TTBK1: variants seen among roughly 807,000 people sequenced by gnomAD.
TTBK1 encodes tau-tubulin kinase 1.
In TTBK1, 34 loss-of-function variants were observed where a neutral mutation model predicts 108.5. The observed-to-expected ratio is 0.31, with a 90% confidence interval of 0.24 to 0.42. TTBK1 has a LOEUF of 0.42. Among genes scored for constraint, TTBK1 ranks in the 10% least tolerant of loss-of-function variants. The pLI, the probability that TTBK1 is intolerant of heterozygous loss-of-function variation, is 1.00. For missense variants in TTBK1, 1,539 were observed against 1,826.0 expected, an observed-to-expected ratio of 0.84 and a Z score of 2.86; for synonymous variants, 809 against 795.1, an observed-to-expected ratio of 1.02 and a Z score of -0.29.
chr6:43,256,099 C>A (rs1012162468), intron 9 of TTBK1, among the ~76,000 whole-genome samples: 2 of 151,822 alleles, frequency 1.3e-5, no homozygotes, highest in Non-Finnish European at 1.5e-5. Flanking sequence ...TCCAAGCAAG[C>A]CTTTGATGAT....
chr6:43,259,859 G>C lies in TTBK1; in HGVS notation c.1424+153G>C, dbSNP rs756377862. 6.6e-6 allele frequency among the ~76,000 whole-genome samples: 1 copy of C among 152,236 alleles called. No individual in the cohort carries two copies. The highest frequency in any genetic ancestry group is 1.5e-5 in the Non-Finnish European group (1 of 68,044). The stretch of plus-strand genomic sequence containing the variant: ...TTGGGCCTGGGGTCAGACTCAGTTG[G>C]GGCCAGAGACAGGGCCTGGGAGAAC... On this transcript the variant is annotated intron_variant, in intron 12 of 14. Transcript: ENST00000259750. The surrounding 1 kb of genome is among the most constrained non-coding windows in gnomAD (Gnocchi z 6.7).
At chr6:43,267,385 G>A (rs1021258152) in intron 13 of TTBK1, among the ~76,000 whole-genome samples, 2 of 152,144 alleles carry the variant, frequency 1.3e-5, no homozygotes, top group Admixed American at 1.3e-4. Context: ...AGATTATGCG[G>A]CTCAGGGCAG....
Position 43,255,731 on chromosome 6 carries a change from G to T in TTBK1, c.736G>T (p.Glu246Ter). Residue 246 changes from glutamate (E) to a stop codon, truncating the protein, a stop_gained and splice_region_variant, in exon 9 of 15, where the codon GAA becomes TAA. Coordinates refer to ENST00000259750, the MANE Select transcript of TTBK1 (RefSeq NM_032538.3). LOFTEE classifies it high-confidence loss of function. ...QLPWRKIKDK[E>*]QVGMIKEKYE... ...TCTCCCTGTGGCCTCTTGCCTCCAG[G>T]AACAGGTAGGGATGATCAAGGAGAA... The T allele has an allele frequency of 6.2e-7, 1 of 1,614,144 alleles. No homozygotes were observed. Among genetic ancestry groups the T allele is most frequent in the Non-Finnish European group, 8.5e-7 (1 of 1,180,020 alleles).
At chr6:43,266,337 G>A (rs1279814733) in intron 13 of TTBK1, among the ~76,000 whole-genome samples, 1 of 152,230 alleles carries the variant, frequency 6.6e-6, no homozygotes, top group African/African-American at 2.4e-5. Context: ...GAATGTCAAA[G>A]CATTTCTATT....
chr6:43,257,730 C>T lies in TTBK1; in HGVS notation c.862-82C>T. The T allele has an allele frequency of 6.8e-7, 1 of 1,477,002 alleles. No individual in the cohort carries two copies. The highest frequency in any genetic ancestry group is 9.3e-7 in the Non-Finnish European group (1 of 1,078,008). 91.5% of individuals were successfully genotyped at this position (1,477,002 alleles called of 1,614,324 possible). ...GTCCTGGAAAGTCCCTGTCTTCCTC[C>T]TATGATCCCAGCAACTGCCCCTTCC... is the stretch of plus-strand genomic sequence containing the variant. On this transcript the variant is annotated intron_variant, in intron 9 of 14. Transcript: ENST00000259750. The surrounding 1 kb of genome is among the most constrained non-coding windows in gnomAD (Gnocchi z 4.5).
chr6:43,253,476 C>T lies in TTBK1; in HGVS notation c.331-92C>T. Reference sequence around the variant, plus strand: ...CCTGGGAAAGGGCAGTGGGCACAACCCTTTGGGGTGAGGCTGGGAAGAGTA... The same window carrying T: ...CCTGGGAAAGGGCAGTGGGCACAACTCTTTGGGGTGAGGCTGGGAAGAGTA... On this transcript the variant is annotated intron_variant, in intron 4 of 14. Transcript: ENST00000259750. The surrounding 1 kb of genome is among the most constrained non-coding windows in gnomAD (Gnocchi z 5.8). The T allele has an allele frequency of 6.3e-7, 1 of 1,593,934 alleles. No homozygotes were observed. The highest frequency in any genetic ancestry group is 8.6e-7 in the Non-Finnish European group (1 of 1,168,580).
At chr6:43,251,489 A>C (rs1323043678) in intron 2 of TTBK1, among the ~76,000 whole-genome samples, 2 of 152,078 alleles carry the variant, frequency 1.3e-5, no homozygotes, top group African/African-American at 2.4e-5. Flanking sequence ...TTCTAAAACC[A>C]AACCAGTCTC....
chr6:43,258,475 A>G (rs1777435708), intron 10 of TTBK1, among the ~76,000 whole-genome samples: 1 of 152,138 alleles, frequency 6.6e-6, no homozygotes, highest in Non-Finnish European at 1.5e-5. Context: ...AGAGGTGGGC[A>G]GGGGCTTCAG....
At chr6:43,246,805 C>A (rs1221575432) in intron 2 of TTBK1, 37 bp downstream of exon 2, 24 of 1,553,196 alleles carry the variant, frequency 1.5e-5, no homozygotes, top group Non-Finnish European at 2.0e-5. Flanking sequence ...GGGAGGGTAG[C>A]GGGGAGGGAG....
intron 13 of TTBK1, chr6:43,272,486 A>C: frequency 1.0e-6 from 1 of 985,440 alleles, no homozygotes; most frequent in Non-Finnish European, 1.2e-6. Context: ...CCACCTCAGA[A>C]CTGACACCTG....
rs550841649 is a variant in TTBK1 at position 43,263,373 on chromosome 6, C to T, written c.1986+23C>T. 1 of 1,447,642 alleles carries T rather than the reference C, an allele frequency of 6.9e-7. No individual in the cohort carries two copies. The highest frequency in any genetic ancestry group is 9.1e-7 in the Non-Finnish European group (1 of 1,096,332). 89.7% of individuals were successfully genotyped at this position (1,447,642 alleles called of 1,614,324 possible). A position where few individuals can be genotyped will look rare whatever the true frequency, so the allele number is the denominator to read the frequency against. On this transcript the variant is annotated intron_variant, in intron 13 of 14. Coordinates refer to ENST00000259750, the MANE Select transcript of TTBK1 (RefSeq NM_032538.3). The surrounding 1 kb of genome is among the most constrained non-coding windows in gnomAD (Gnocchi z 4.7). ...CAGGTAAGGTTGGGCTTGCACCCCA[C>T]TCCCCATCTCCAGATGCCCAGAGTC...
rs764215922 is a variant in TTBK1 at position 43,283,028 on chromosome 6, AGG to A, written c.2289_2290del (p.Glu764GlyfsTer22). 6.3e-7 allele frequency: 1 copy of A among 1,584,914 alleles called. No homozygotes were observed. The highest frequency in any genetic ancestry group is 1.1e-5 in the South Asian group (1 of 88,280). ...GAAGAGGAAGAGGAGGAGGAAGAAG[AGG>A]AGGAGGAGGAAGAGGAGGAGGAGGC... On this transcript the variant is annotated frameshift_variant, in exon 14 of 15. Coordinates refer to ENST00000259750, the MANE Select transcript of TTBK1 (RefSeq NM_032538.3). LOFTEE classifies it high-confidence loss of function. This position sits in a 1 kb window ranked among gnomAD's most constrained non-coding sequence, Gnocchi z 8.1.
At chr6:43,255,003 G>T in intron 6 of TTBK1, 46 bp from the exon 7 acceptor site, 1 of 1,588,912 alleles carries the variant, frequency 6.3e-7, no homozygotes, top group Non-Finnish European at 8.6e-7. Flanking sequence ...AGGTGGCTGA[G>T]GTGAGGGCAT....
chr6:43,251,789 A>G (rs1313323260), intron 2 of TTBK1, among the ~76,000 whole-genome samples: 1 of 152,192 alleles, frequency 6.6e-6, no homozygotes, highest in Non-Finnish European at 1.5e-5. Context: ...CCTGGAGAGG[A>G]GGCTCATCCT....
chr6:43,255,965 G>T, intron 9 of TTBK1, 109 bp downstream of exon 9: 4 of 1,407,056 alleles, frequency 2.8e-6, no homozygotes, highest in Non-Finnish European at 3.9e-6. Context: ...TTGTCCCCAA[G>T]CCTCTCCCCT....
rs1778013186 is a variant in TTBK1, at chr6:43,276,838, G to C, written c.1987-5889G>C. On this transcript the variant is annotated intron_variant, in intron 13 of 14. Transcript: ENST00000259750. The surrounding 1 kb of genome is among the most constrained non-coding windows in gnomAD (Gnocchi z 5.4). ...GTGGATGAGCTTCGTCCACACCTTA[G>C]CCAGGCAGCTGGGTGAGGAGGGCAC... Among the ~76,000 whole-genome samples the C allele has an allele frequency of 6.6e-6, 1 of 152,206 alleles. No homozygotes were observed. The highest frequency in any genetic ancestry group is 2.4e-5 in the African/African-American group (1 of 41,450).
intron 13 of TTBK1, among the ~76,000 whole-genome samples, chr6:43,275,291 G>C (rs1777942144): frequency 6.6e-6 from 1 of 151,956 alleles, no homozygotes; most frequent in South Asian, 2.1e-4. Flanking sequence ...CCCCCCGCCG[G>C]ACTTCGGCCC....
rs762063700 is a variant in TTBK1, at chr6:43,269,843, G to A, written c.1986+6493G>A. 6.5e-7 allele frequency: 1 copy of A among 1,534,522 alleles called. No individual in the cohort carries two copies. The highest frequency in any genetic ancestry group is 8.7e-7 in the Non-Finnish European group (1 of 1,145,772). On this transcript the variant is annotated intron_variant, in intron 13 of 14. Coordinates refer to ENST00000259750, the MANE Select transcript of TTBK1 (RefSeq NM_032538.3). The surrounding 1 kb of genome is among the most constrained non-coding windows in gnomAD (Gnocchi z 4.8). ...GCAGCCCTGTGCGGGCGCCCCACCGGCGCCACGCGCCCCTCGCTGCTGGCA... is the reference window on the plus strand; with the variant it reads ...GCAGCCCTGTGCGGGCGCCCCACCGACGCCACGCGCCCCTCGCTGCTGGCA...
rs960062949 is a variant in TTBK1, at chr6:43,273,621, G to A, written c.1987-9106G>A. On this transcript the variant is annotated intron_variant, in intron 13 of 14. Transcript: ENST00000259750. The surrounding 1 kb of genome is among the most constrained non-coding windows in gnomAD (Gnocchi z 4.2). The stretch of plus-strand genomic sequence containing the variant: ...AACACCGAATGGGTGTCACCAACTC[G>A]TACATCAACAAGATCCAAACAGTGT... Among the ~76,000 whole-genome samples, 4 of 152,110 alleles carry A rather than the reference G, an allele frequency of 2.6e-5. No individual in the cohort carries two copies. Among genetic ancestry groups the A allele is most frequent in the African/African-American group, 9.7e-5 (4 of 41,388 alleles).
Sources: allele counts gnomAD v4.1 joint callset (sites outside exome capture counted in the v4.1 genomes callset), GRCh38; gene constraint gnomAD v4.1.1; non-coding constraint Gnocchi (gnomAD v3.1); transcripts MANE v1.5; gene names NCBI Gene and HGNC (gene_info 2026-07-23, HGNC 2026-07-21).